Variants in TP73 observed in about 807,000 individuals in gnomAD.
TP73 encodes p53-like transcription factor.
A neutral mutation model predicts 62.5 loss-of-function variants in TP73; 25 were observed. The observed-to-expected ratio is 0.40, with a 90% CI of 0.29 to 0.56. The LOEUF is 0.56. Ranked by LOEUF, TP73 falls within the 20% of genes least tolerant of loss-of-function variation. The pLI, the probability that TP73 is intolerant of heterozygous loss-of-function variation, is 0.46. For missense variants in TP73, 754 were observed against 913.3 expected (o/e 0.83, Z 2.25); for synonymous variants, 423 against 377.5 (o/e 1.12, Z -1.40).
intron 4 of TP73, among the ~76,000 whole-genome samples, chr1:3,717,547 AG>A (rs1356487997): frequency 4.6e-5 from 7 of 152,156 alleles, no homozygotes; most frequent in African/African-American, 1.7e-4. Context: ...AGAAGGCAGG[AG>A]GGGGGCGGCG....
At chr1:3,716,043 G>A (rs534665468) in intron 4 of TP73, among the ~76,000 whole-genome samples, 1 of 152,314 alleles carries the variant, frequency 6.6e-6, no homozygotes, top group Admixed American at 6.5e-5. Flanking sequence ...GCTCAAGGTC[G>A]TGGTGGGGCA....
chr1:3,723,892 G>T (rs1238147328), intron 6 of TP73, among the ~76,000 whole-genome samples: 1 of 152,164 alleles, frequency 6.6e-6, no homozygotes, highest in African/African-American at 2.4e-5. Flanking sequence ...GCCTGAAGGG[G>T]TGGCAAATTC....
chr1:3,688,277 C>T (rs1212144122), intron 3 of TP73, among the ~76,000 whole-genome samples: 1 of 152,246 alleles, frequency 6.6e-6, no homozygotes, highest in East Asian at 1.9e-4. Flanking sequence ...CACCCAGCAC[C>T]CAGGTCTCAG....
chr1:3,691,647 T>A (rs922172369), intron 3 of TP73, among the ~76,000 whole-genome samples: 6 of 152,110 alleles, frequency 3.9e-5, no homozygotes, highest in African/African-American at 1.4e-4. Context: ...GCCAGGTCCC[T>A]GGGGGCCAGG....
In TP73 at chr1:3,728,116, C is replaced by T; in HGVS notation, c.986-13C>T. ...CTGCCTGCTCACCCCGCCTGCCCTG[C>T]CTGGCCTTCCAGCCTTCAAGCAGAG... On this transcript the variant is annotated splice_polypyrimidine_tract_variant and intron_variant, in intron 8 of 13. Transcript: ENST00000378295. The T allele has an allele frequency of 6.2e-7, 1 of 1,606,460 alleles. No individual in the cohort carries two copies. Among genetic ancestry groups the T allele is most frequent in the Non-Finnish European group, 8.5e-7 (1 of 1,178,510 alleles).
intron 3 of TP73, chr1:3,690,753 C>T (rs1046521955): frequency 2.6e-5 from 38 of 1,459,638 alleles, no homozygotes; most frequent in South Asian, 1.4e-4. Context: ...CCAGCATCCT[C>T]GGCTCCTGCC....
In TP73 at chr1:3,716,831, G is replaced by C. The variant is rs372512160; in HGVS notation, c.430-5190G>C. Reference sequence around the variant, plus strand: ...TGTGAACCCACGAATTTAATGGAAAGGGTTCTGTGGCTCAGCCCCAGGAGC... The same window carrying C: ...TGTGAACCCACGAATTTAATGGAAACGGTTCTGTGGCTCAGCCCCAGGAGC... On this transcript the variant is annotated intron_variant, in intron 4 of 13. Transcript: ENST00000378295. Among the ~76,000 whole-genome samples, 34 of 152,296 alleles carry C rather than the reference G, an allele frequency of 2.2e-4. No individual in the cohort carries two copies. In the East Asian group the frequency reaches 3.7e-3, roughly 16 times the overall value.
chr1:3,723,815 G>C (rs1641295519), intron 6 of TP73, among the ~76,000 whole-genome samples: 1 of 152,226 alleles, frequency 6.6e-6, no homozygotes, highest in African/African-American at 2.4e-5. Flanking sequence ...CAGGGATTTG[G>C]GAGATGGGGA....
intron 1 of TP73, among the ~76,000 whole-genome samples, chr1:3,668,432 C>A (rs762362763): frequency 1.3e-5 from 2 of 152,058 alleles, no homozygotes; most frequent in Non-Finnish European, 2.9e-5. Context: ...GGCGGGGCTC[C>A]TCAAAATCCT....
At chr1:3,717,297 C>T (rs1385778669) in intron 4 of TP73, among the ~76,000 whole-genome samples, 7 of 152,270 alleles carry the variant, frequency 4.6e-5, no homozygotes, top group Admixed American at 1.3e-4. Context: ...CCAGCCAGGC[C>T]GGGCCCATGT....
chr1:3,730,804 A>C, intron 11 of TP73, 123 bp from the exon 12 acceptor site: 1 of 1,285,828 alleles, frequency 7.8e-7, no homozygotes, highest in Non-Finnish European at 1.0e-6. Flanking sequence ...GGTGATGCCC[A>C]GCGTCACATC....
Position 3,728,012 on chromosome 1 carries a change from G to A in TP73, c.986-117G>A, listed in dbSNP as rs529028964. 8 of 1,245,254 alleles carry A rather than the reference G, an allele frequency of 6.4e-6. No homozygotes were observed. The East Asian group carries it at 7.2e-5, about 11-fold the overall frequency. The allele number at this position is 1,245,254 out of a possible 1,614,324, so 77.1% of individuals were successfully genotyped here. A position where few individuals can be genotyped will look rare whatever the true frequency, so the allele number is the denominator to read the frequency against. The stretch of plus-strand genomic sequence containing the variant: ...CCGTCCCTGTGGGTTGCTCACCACC[G>A]GACCCACCTGGAGAATCGATTGGCC... On this transcript the variant is annotated intron_variant, in intron 8 of 13. Transcript: ENST00000378295.
intron 1 of TP73, among the ~76,000 whole-genome samples, chr1:3,674,579 T>A (rs3819954): frequency 6.6e-6 from 1 of 152,112 alleles, no homozygotes; most frequent in Non-Finnish European, 1.5e-5. Context: ...GGCCCCATCG[T>A]ACCCACAGAG....
chr1:3,729,629 C>T, intron 10 of TP73, 181 bp downstream of exon 10: 5 of 1,081,940 alleles, frequency 4.6e-6, no homozygotes, highest in Non-Finnish European at 7.0e-6. Flanking sequence ...GCACTTGGGG[C>T]TGCCCTGGGA....
At chr1:3,731,821 T>C (rs576424013) in intron 13 of TP73, among the ~76,000 whole-genome samples, 10 of 152,310 alleles carry the variant, frequency 6.6e-5, no homozygotes, top group African/African-American at 2.4e-4. Context: ...CCAGTGTGCC[T>C]TTGATTTTAG....
intron 3 of TP73, among the ~76,000 whole-genome samples, chr1:3,686,741 G>C (rs1645666493): frequency 6.6e-6 from 1 of 152,200 alleles, no homozygotes; most frequent in South Asian, 2.1e-4. Flanking sequence ...AGTCCAGCAG[G>C]CCGAGGTGGG....
In TP73 at chr1:3,694,706, T is replaced by C. The variant is rs77892395; in HGVS notation, c.186+11526T>C. Reference sequence around the variant, plus strand: ...CCCATGCAGCCTCAGCCCCTCCTCCTGCAATCCCAGCCATGCAGCCTCAGC... The same window carrying C: ...CCCATGCAGCCTCAGCCCCTCCTCCCGCAATCCCAGCCATGCAGCCTCAGC... On this transcript the variant is annotated intron_variant, in intron 3 of 13. Transcript: ENST00000378295. 6.5e-3 allele frequency among the ~76,000 whole-genome samples: 56 copies of C among 8,674 alleles called. 1 individual carries two copies. Among genetic ancestry groups the C allele is most frequent in the Admixed American group, 0.014 (10 of 702 alleles). 5.7% of individuals were successfully genotyped at this position (8,674 alleles called of 152,430 possible). A position where few individuals can be genotyped will look rare whatever the true frequency, so the allele number is the denominator to read the frequency against.
chr1:3,719,823 G>A (rs895850364), intron 4 of TP73, among the ~76,000 whole-genome samples: 2 of 152,162 alleles, frequency 1.3e-5, no homozygotes, highest in Admixed American at 6.5e-5. Flanking sequence ...GACAGTCCAG[G>A]GCAGGCGCCC....
chr1:3,714,168 G>T (rs1364379937), intron 4 of TP73: 1 of 152,208 alleles, frequency 6.6e-6, no homozygotes, highest in African/African-American at 2.4e-5. Flanking sequence ...CAAAAACCTA[G>T]ATTCTAGCCA....
Sources: allele counts gnomAD v4.1 joint callset (sites outside exome capture counted in the v4.1 genomes callset), GRCh38; gene constraint gnomAD v4.1.1; transcripts MANE v1.5; gene names NCBI Gene and HGNC (gene_info 2026-07-23, HGNC 2026-07-21).